Variants in XIRP2 observed in about 807,000 individuals in gnomAD.
XIRP2 encodes xin actin binding repeat containing 2.
In XIRP2, 236 loss-of-function variants were observed where a neutral mutation model predicts 277.0. The ratio of observed to expected loss-of-function variants is 0.85; its 90% CI spans 0.77 to 0.95. XIRP2 has a LOEUF of 0.95. Among genes scored for constraint, XIRP2 ranks in the 40% least tolerant of loss-of-function variants. The pLI, the probability that XIRP2 is intolerant of heterozygous loss-of-function variation, is 0.00. For synonymous variants in XIRP2, 1,490 were observed against 1,416.5 expected (o/e 1.05, Z -1.17); for missense variants, 4,640 against 4,157.5 (o/e 1.12, Z -3.19).
chr2:167,014,464 G>A (rs915759395), intron 2 of XIRP2, among the ~76,000 whole-genome samples: 3 of 151,722 alleles, frequency 2.0e-5, no homozygotes, highest in Non-Finnish European at 4.4e-5. Context: ...AGGGAAAGTT[G>A]TTAGAAATTT....
chr2:167,029,162 A>G (rs530441944), intron 2 of XIRP2, among the ~76,000 whole-genome samples: 4 of 152,168 alleles, frequency 2.6e-5, no homozygotes, highest in African/African-American at 7.2e-5. Context: ...TTCAAGAACA[A>G]CTTGACTTCC....
intron 2 of XIRP2, among the ~76,000 whole-genome samples, chr2:167,001,817 T>G (rs1434635492): frequency 6.6e-6 from 1 of 152,202 alleles, no homozygotes; most frequent in African/African-American, 2.4e-5. Context: ...AATGTAACTA[T>G]AGTTAAAGAA....
chr2:167,116,593 C>A (rs1690902179), intron 2 of XIRP2, among the ~76,000 whole-genome samples: 1 of 152,136 alleles, frequency 6.6e-6, no homozygotes, highest in African/African-American at 2.4e-5. Context: ...CATTCCCTTA[C>A]TCTTTCATTG....
intron 10 of XIRP2, among the ~76,000 whole-genome samples, chr2:167,257,034 C>T (rs1366690171): frequency 6.6e-6 from 1 of 151,910 alleles, no homozygotes; most frequent in Non-Finnish European, 1.5e-5. Context: ...TATTGGAGAT[C>T]ACAAATCTCC....
intron 3 of XIRP2, among the ~76,000 whole-genome samples, chr2:167,150,113 T>C (rs17266000): frequency 0.1 from 15,116 of 151,812 alleles, 812 homozygotes; most frequent in South Asian, 0.15. Context: ...AATAATGACA[T>C]AAAGAAATAA....
rs913230379 is a variant in XIRP2 at position 167,258,167 on chromosome 2, C to T, written c.*350C>T. ...GGGAAAATTAAAAGTCATTTGGCCT[C>T]CTTCCAAGGAGATCCCTAAGAAAAC... On this transcript the variant is annotated 3_prime_UTR_variant, in exon 11 of 11. Transcript: ENST00000409195. 1.9e-6 allele frequency: 3 copies of T among 1,612,958 alleles called. No individual in the cohort carries two copies. The highest frequency in any genetic ancestry group is 2.5e-6 in the Non-Finnish European group (3 of 1,179,516).
At chr2:167,170,185 TTATATTGC>T (rs1440455636) in intron 3 of XIRP2, among the ~76,000 whole-genome samples, 1 of 152,176 alleles carries the variant, frequency 6.6e-6, no homozygotes, top group Non-Finnish European at 1.5e-5. Context: ...GATCTCTTTA[TTATATTGC>T]TATATTTAAG....
chr2:167,173,410 C>T (rs1559007060), intron 3 of XIRP2, among the ~76,000 whole-genome samples: 1 of 152,180 alleles, frequency 6.6e-6, no homozygotes, highest in Non-Finnish European at 1.5e-5. Flanking sequence ...GCTTATTTCA[C>T]TTCACATAGT....
At chr2:167,033,723 C>T (rs757763651) in intron 2 of XIRP2, among the ~76,000 whole-genome samples, 17 of 152,060 alleles carry the variant, frequency 1.1e-4, no homozygotes, top group Admixed American at 3.3e-4. Flanking sequence ...GAGAGAATGG[C>T]ATGACATATA....
chr2:166,921,786 C>T (rs994887971), intron 2 of XIRP2, among the ~76,000 whole-genome samples: 4 of 152,086 alleles, frequency 2.6e-5, no homozygotes, highest in Non-Finnish European at 4.4e-5. Context: ...TCAAGGTCAC[C>T]TAATTCTTCA....
chr2:167,145,000 A>G (rs1691824245), intron 3 of XIRP2, among the ~76,000 whole-genome samples: 1 of 152,132 alleles, frequency 6.6e-6, no homozygotes, highest in Non-Finnish European at 1.5e-5. Flanking sequence ...TTTGCTGTGG[A>G]TATTTGAATC....
chr2:167,241,235 TA>T (rs112523537), intron 7 of XIRP2, among the ~76,000 whole-genome samples: 26,188 of 149,152 alleles, frequency 0.18, 2,740 homozygotes, highest in African/African-American at 0.3. Flanking sequence ...CCTGAAGAGC[TA>T]AAAAAAAAAC....
chr2:167,058,751 C>A (rs528600918), intron 2 of XIRP2, among the ~76,000 whole-genome samples: 4 of 152,228 alleles, frequency 2.6e-5, no homozygotes, highest in African/African-American at 9.6e-5. Context: ...TGCTAATACC[C>A]CATTGACGAA....
chr2:166,971,822 G>C (rs916976666), intron 2 of XIRP2, among the ~76,000 whole-genome samples: 1 of 152,144 alleles, frequency 6.6e-6, no homozygotes, highest in Non-Finnish European at 1.5e-5. Flanking sequence ...GAAAATCACA[G>C]TTTGCAAGAG....
Position 167,249,910 on chromosome 2 carries a change from A to G in XIRP2, c.8518A>G (p.Lys2840Glu). ...AGAAGAGAGATTAATAACTGAAAGAAAACACGAACATCTGAAGAATAAATC... is the reference window on the plus strand; with the variant it reads ...AGAAGAGAGATTAATAACTGAAAGAGAACACGAACATCTGAAGAATAAATC... The part of the protein sequence containing the change: ...RKEERLITER[K>E]HEHLKNKSAP... Residue 2840 changes from lysine (K) to glutamate (E), a missense_variant, in exon 9 of 11, where the codon AAA (lysine) becomes GAA (glutamate). Coordinates refer to ENST00000409195, the MANE Select transcript of XIRP2 (RefSeq NM_152381.6). 1 of 1,613,494 alleles carries G rather than the reference A, an allele frequency of 6.2e-7. No individual in the cohort carries two copies. The highest frequency in any genetic ancestry group is 8.5e-7 in the Non-Finnish European group (1 of 1,179,682).
At chr2:166,959,221 C>G (rs1183272743) in intron 2 of XIRP2, among the ~76,000 whole-genome samples, 6 of 151,778 alleles carry the variant, frequency 4.0e-5, no homozygotes, top group African/African-American at 1.5e-4. Flanking sequence ...GTGCAAATGT[C>G]CCTGTTGTAA....
At chr2:167,231,178 T>G (rs1694739833) in intron 5 of XIRP2, among the ~76,000 whole-genome samples, 1 of 152,018 alleles carries the variant, frequency 6.6e-6, no homozygotes. Flanking sequence ...ATTTTCTTCC[T>G]TCTTATTTGG....
At chr2:166,940,255 G>A (rs1317457417) in intron 2 of XIRP2, among the ~76,000 whole-genome samples, 2 of 152,124 alleles carry the variant, frequency 1.3e-5, no homozygotes, top group African/African-American at 2.4e-5. Context: ...TTAAGCTTGT[G>A]CATTCATCAC....
chr2:167,067,006 A>C (rs1274262097), intron 2 of XIRP2, among the ~76,000 whole-genome samples: 3 of 151,974 alleles, frequency 2.0e-5, no homozygotes, highest in African/African-American at 7.2e-5. Flanking sequence ...ATTAAGATAT[A>C]CTTTGGGGTA....
Sources: allele counts gnomAD v4.1 joint callset (sites outside exome capture counted in the v4.1 genomes callset), GRCh38; gene constraint gnomAD v4.1.1; transcripts MANE v1.5; gene names NCBI Gene and HGNC (gene_info 2026-07-23, HGNC 2026-07-21).